Variants in FHIT observed in about 807,000 individuals in gnomAD.
FHIT encodes fragile histidine triad diadenosine triphosphatase.
Under a neutral mutation model 17.9 loss-of-function variants are expected in FHIT, and 19 were observed. The observed-to-expected ratio is 1.06, with a 90% CI of 0.74 to 1.56. The LOEUF (loss-of-function observed/expected upper bound fraction) is 1.56. Among genes scored for constraint, FHIT ranks in the 40% most tolerant of loss-of-function variants. The probability of loss-of-function intolerance (pLI) is 0.00; values close to 1 mark genes in which losing one functional copy is unlikely to be tolerated. For missense variants in FHIT, 248 were observed against 189.2 expected, an observed-to-expected ratio of 1.31 and a Z score of -1.82; for synonymous variants, 81 against 69.7, an observed-to-expected ratio of 1.16 and a Z score of -0.81.
chr3:60,040,766 A>C (rs1384889629), intron 5 of FHIT, among the ~76,000 whole-genome samples: 1 of 152,012 alleles, frequency 6.6e-6, no homozygotes, highest in Non-Finnish European at 1.5e-5. Flanking sequence ...TCCTGGAGTG[A>C]CTCCAGGGCA....
chr3:60,049,258 G>C (rs2106871645), intron 5 of FHIT, among the ~76,000 whole-genome samples: 1 of 152,266 alleles, frequency 6.6e-6, no homozygotes, highest in East Asian at 1.9e-4. Context: ...AAAACCACCA[G>C]AATATGTATG....
At chr3:61,180,951 A>G (rs2038322657) in intron 2 of FHIT, among the ~76,000 whole-genome samples, 1 of 152,216 alleles carries the variant, frequency 6.6e-6, no homozygotes, top group Admixed American at 6.5e-5. Context: ...TAATATTTTT[A>G]TTAAATATAT....
At chr3:60,692,538 G>C (rs756519050) in intron 4 of FHIT, among the ~76,000 whole-genome samples, 4 of 152,108 alleles carry the variant, frequency 2.6e-5, no homozygotes, top group African/African-American at 9.7e-5. Context: ...TGCTGATATT[G>C]AAGATGAAAG....
intron 7 of FHIT, among the ~76,000 whole-genome samples, chr3:59,968,357 A>G (rs973608161): frequency 6.6e-5 from 10 of 152,186 alleles, no homozygotes; most frequent in Non-Finnish European, 1.5e-4. Flanking sequence ...AACCTATATG[A>G]ACTTTAAGGT....
At chr3:60,176,405 C>T (rs1259478382) in intron 5 of FHIT, among the ~76,000 whole-genome samples, 1 of 152,112 alleles carries the variant, frequency 6.6e-6, no homozygotes. Flanking sequence ...TATATTAGAG[C>T]AACTCTATCA....
chr3:60,757,651 T>A (rs1006885303), intron 4 of FHIT, among the ~76,000 whole-genome samples: 3 of 152,158 alleles, frequency 2.0e-5, no homozygotes, highest in Non-Finnish European at 4.4e-5. Context: ...GGTGGACATG[T>A]GTAGTATAAG....
At chr3:60,720,619 G>T (rs1447161275) in intron 4 of FHIT, among the ~76,000 whole-genome samples, 1 of 152,158 alleles carries the variant, frequency 6.6e-6, no homozygotes, top group Non-Finnish European at 1.5e-5. Context: ...TCCAGGCTCT[G>T]CTGCAGACCA....
chr3:61,030,393 G>A (rs1377769010), intron 3 of FHIT, among the ~76,000 whole-genome samples: 1 of 152,208 alleles, frequency 6.6e-6, no homozygotes, highest in East Asian at 1.9e-4. Flanking sequence ...TTTATGGTAT[G>A]TAGCCACTAG....
intron 3 of FHIT, among the ~76,000 whole-genome samples, chr3:60,928,077 G>C (rs1707746568): frequency 6.6e-6 from 1 of 152,170 alleles, no homozygotes; most frequent in Non-Finnish European, 1.5e-5. Flanking sequence ...GGAAGTGCAA[G>C]ATGTGCTTTA....
chr3:61,014,807 A>ATATATATAT (rs1482200671), intron 3 of FHIT, among the ~76,000 whole-genome samples: 4 of 49,112 alleles, frequency 8.1e-5, no homozygotes, highest in Non-Finnish European at 1.4e-4. Flanking sequence ...AAAAAAAAAA[A>ATATATATAT]ATATATATAT....
chr3:60,033,471 G>A (rs1701086527), intron 5 of FHIT, among the ~76,000 whole-genome samples: 1 of 150,710 alleles, frequency 6.6e-6, no homozygotes, highest in Admixed American at 6.6e-5. Context: ...TCCAGCCTAG[G>A]CAACAAGAAC....
intron 4 of FHIT, among the ~76,000 whole-genome samples, chr3:60,658,579 C>T (rs9863908): frequency 0.052 from 7,981 of 152,168 alleles, 706 homozygotes; most frequent in African/African-American, 0.18. Context: ...TCTGTCCCCA[C>T]TTCTTTAAAT....
At chr3:60,330,687 G>T (rs727476) in intron 5 of FHIT, among the ~76,000 whole-genome samples, 58,746 of 152,036 alleles carry the variant, frequency 0.39, 12,431 homozygotes, top group South Asian at 0.56. Context: ...TGTACAAGGT[G>T]GTTCCCTGCT....
chr3:60,175,811 T>C (rs764405268), intron 5 of FHIT, among the ~76,000 whole-genome samples: 1 of 152,156 alleles, frequency 6.6e-6, no homozygotes, highest in Non-Finnish European at 1.5e-5. Context: ...GCATACTTGA[T>C]ATAAGCAGAA....
At chr3:60,215,892 T>C (rs1346879903) in intron 5 of FHIT, among the ~76,000 whole-genome samples, 1 of 152,156 alleles carries the variant, frequency 6.6e-6, no homozygotes, top group Admixed American at 6.5e-5. Flanking sequence ...AATTTTTGGA[T>C]TAATTTTGAA....
intron 5 of FHIT, among the ~76,000 whole-genome samples, chr3:60,296,185 T>C (rs1206481693): frequency 6.6e-6 from 1 of 151,910 alleles, no homozygotes; most frequent in Admixed American, 6.6e-5. Context: ...TATGTTCTTA[T>C]CAGCAGTGTG....
Position 59,748,363 on chromosome 3 carries a change from G to C in FHIT, c.*1222C>G, listed in dbSNP as rs929005584. Among the ~76,000 whole-genome samples the C allele has an allele frequency of 6.6e-6, 1 of 151,982 alleles. No individual in the cohort carries two copies. The highest frequency in any genetic ancestry group is 1.5e-5 in the Non-Finnish European group (1 of 67,994). On this transcript the variant is annotated 3_prime_UTR_variant, in exon 10 of 10. Transcript: ENST00000492590. ...CCAAGTGATGTTTATTTAGGCATGT[G>C]GTCAGATGGTAAAGAAAAGAAAGTG...
At position 61,208,755 on chromosome 3, in the gene FHIT, C is replaced by A. The variant is rs371059213; in HGVS notation, c.-212-8090G>T. Reference sequence around the variant, plus strand: ...TCCTGAATACAGCACACTGATGGGTCTTGACTCTTTATCCAATTTGCCAAT... The same window carrying A: ...TCCTGAATACAGCACACTGATGGGTATTGACTCTTTATCCAATTTGCCAAT... On this transcript the variant is annotated intron_variant, in intron 1 of 9. Coordinates refer to ENST00000492590, the MANE Select transcript of FHIT (RefSeq NM_002012.4). Among the ~76,000 whole-genome samples, 6 of 152,034 alleles carry A rather than the reference C, an allele frequency of 3.9e-5. No individual in the cohort carries two copies. The East Asian group carries it at 9.7e-4, about 24-fold the overall frequency.
At chr3:60,130,239 T>C (rs1007092276) in intron 5 of FHIT, among the ~76,000 whole-genome samples, 1 of 152,228 alleles carries the variant, frequency 6.6e-6, no homozygotes, top group African/African-American at 2.4e-5. Flanking sequence ...TTTGGTTTTC[T>C]CATCTCTAAA....
Sources: gnomAD v4.1 joint callset for allele counts (sites outside exome capture counted in the v4.1 genomes callset) on GRCh38, gnomAD v4.1.1 for gene constraint, MANE v1.5 for transcripts, NCBI Gene and HGNC (gene_info 2026-07-23, HGNC 2026-07-21) for gene names.